The following CLEC1B variants were observed in gnomAD, a reference collection of about 807,000 sequenced individuals.
CLEC1B encodes the protein C-type lectin domain family 1 member B.
A neutral mutation model predicts 26.7 loss-of-function variants in CLEC1B; 26 were observed. The ratio of observed to expected loss-of-function variants is 0.97; its 90% CI spans 0.71 to 1.35. CLEC1B has a LOEUF of 1.35. Ranked by LOEUF, CLEC1B falls within the 40% of genes most tolerant of loss-of-function variation. CLEC1B has a pLI of 0.00. For missense variants in CLEC1B, 293 were observed against 282.6 expected (o/e 1.04, Z -0.26); for synonymous variants, 112 against 96.0 (o/e 1.17, Z -0.97).
At chr12:9,993,381 G>C (rs1591846684) in intron 5 of CLEC1B, 94 bp from the exon 6 acceptor site, 43 of 704,404 alleles carry the variant, frequency 6.1e-5, no homozygotes, top group Non-Finnish European at 6.9e-5. Flanking sequence ...ACCAAATAGA[G>C]ACTGAGGAAA....
At chr12:9,997,514 A>G (rs1158586357) in intron 2 of CLEC1B, among the ~76,000 whole-genome samples, 2 of 152,222 alleles carry the variant, frequency 1.3e-5, no homozygotes, top group Admixed American at 6.5e-5. Flanking sequence ...ACAATCACAA[A>G]TAAAAAATCC....
upstream of CLEC1B, chr12:9,999,269 G>C: frequency 4.0e-6 from 2 of 500,638 alleles, no homozygotes; most frequent in Non-Finnish European, 7.1e-6. Flanking sequence ...TTTCCAGGAA[G>C]CTTCTTCATA....
At chr12:9,997,026 T>C (rs1865067732) in intron 3 of CLEC1B, 26 bp from the exon 4 acceptor site, 1 of 1,612,474 alleles carries the variant, frequency 6.2e-7, no homozygotes, top group African/African-American at 1.3e-5. Context: ...ACAGGAATGG[T>C]GTATTTTTTC....
intron 1 of CLEC1B, 54 bp from the exon 2 acceptor site, chr12:9,998,434 G>C: frequency 7.2e-7 from 1 of 1,387,006 alleles, no homozygotes; most frequent in Non-Finnish European, 1.0e-6. Flanking sequence ...TTAGCTATGG[G>C]GAAGGCTCAC....
intron 5 of CLEC1B, among the ~76,000 whole-genome samples, chr12:9,994,588 C>T (rs1210722191): frequency 6.6e-6 from 1 of 151,986 alleles, no homozygotes; most frequent in Non-Finnish European, 1.5e-5. Context: ...GTCCCTTTGC[C>T]TGGATTGTTT....
At chr12:9,995,333 C>T (rs1591849601) in intron 4 of CLEC1B, 87 bp from the exon 5 acceptor site, 1 of 1,113,214 alleles carries the variant, frequency 9.0e-7, no homozygotes, top group African/African-American at 1.5e-5. Context: ...AGACGTTGGA[C>T]AAAAAATGTT....
intron 2 of CLEC1B, among the ~76,000 whole-genome samples, chr12:9,997,637 T>A (rs1022548998): frequency 2.0e-5 from 3 of 152,216 alleles, no homozygotes; most frequent in African/African-American, 7.2e-5. Flanking sequence ...GATGCCAAAC[T>A]ATTCATTCAT....
intron 4 of CLEC1B, 29 bp from the exon 5 acceptor site, chr12:9,995,275 T>C: frequency 2.6e-6 from 4 of 1,553,262 alleles, no homozygotes; most frequent in African/African-American, 1.4e-5. Context: ...AACACAATGG[T>C]CAGAATCCCT....
At chr12:9,999,158 C>T (rs370822690), upstream of CLEC1B, 2,467 of 1,129,612 alleles carry the variant, frequency 2.2e-3, 7 homozygotes, top group Non-Finnish European at 3.0e-3. Flanking sequence ...AATGTAGTTT[C>T]CAACTTTACA....
rs1423765292 is a variant in CLEC1B at position 9,996,978 on chromosome 12, A to G, written c.306T>C (p.Cys102=). The change falls in exon 4 of 6, where the codon TGT becomes TGC. Residue 102 remains cysteine (C), a synonymous_variant. Coordinates refer to ENST00000298527, the MANE Select transcript of CLEC1B (RefSeq NM_016509.4). ...CTCCATAATATCTCCAGTTTGTGTC[A>G]CAGGGGCTGCATTTATGACCTTCTG... ...GTFKGHKCSP[C]DTNWRYYGDS... 6.2e-7 allele frequency: 1 copy of G among 1,614,124 alleles called. No homozygotes were observed. The highest frequency in any genetic ancestry group is 8.5e-7 in the Non-Finnish European group (1 of 1,179,984).
chr12:9,999,153 A>C (rs1565572731), upstream of CLEC1B: 1 of 1,166,826 alleles, frequency 8.6e-7, no homozygotes, highest in Non-Finnish European at 1.2e-6. Context: ...TGCAAAATGT[A>C]GTTTCCAACT....
chr12:9,995,426 A>C, intron 4 of CLEC1B, 180 bp from the exon 5 acceptor site: 1 of 601,866 alleles, frequency 1.7e-6, no homozygotes, highest in Non-Finnish European at 3.1e-6. Flanking sequence ...GAACTTAAAA[A>C]AAACTTATAG....
At chr12:10,001,468 GTCTTATATCT>G (rs1475295565), upstream of CLEC1B, among the ~76,000 whole-genome samples, 1 of 152,144 alleles carries the variant, frequency 6.6e-6, no homozygotes, top group Admixed American at 6.5e-5. Context: ...CAGTCTGAGA[GTCTTATATCT>G]TATCTGTGTT....
Position 9,995,885 on chromosome 12 carries a change from G to A in CLEC1B, c.439-639C>T, listed in dbSNP as rs78951226. The stretch of plus-strand genomic sequence containing the variant: ...TTTAACTAGAATATACTCTTGTCGA[G>A]GTTAAGCATTTTTCTTTCTGTCTTA... On this transcript the variant is annotated intron_variant, in intron 4 of 5. Transcript: ENST00000298527. 1.7e-3 allele frequency among the ~76,000 whole-genome samples: 266 copies of A among 152,146 alleles called. 1 individual carries two copies. Among genetic ancestry groups the A allele is most frequent in the African/African-American group, 6.3e-3 (260 of 41,512 alleles).
At chr12:9,998,090 T>A (rs1280988848) in intron 2 of CLEC1B, among the ~76,000 whole-genome samples, 192 bp downstream of exon 2, 1 of 152,200 alleles carries the variant, frequency 6.6e-6, no homozygotes, top group East Asian at 1.9e-4. Context: ...GTTAAAATCT[T>A]AAAATCTTAT....
At chr12:9,994,569 A>G (rs934007852) in intron 5 of CLEC1B, among the ~76,000 whole-genome samples, 4 of 152,212 alleles carry the variant, frequency 2.6e-5, no homozygotes, top group East Asian at 1.9e-4. Flanking sequence ...ACTCCACTCA[A>G]TGCAATCAGT....
At chr12:9,995,605 G>A in intron 4 of CLEC1B, 1 of 338,548 alleles carries the variant, frequency 3.0e-6, no homozygotes, top group South Asian at 2.4e-5. Context: ...GAAATACATT[G>A]TTGATGAGCT....
chr12:9,995,112 C>T (rs754274700), intron 5 of CLEC1B, 28 bp downstream of exon 5: 1 of 1,608,682 alleles, frequency 6.2e-7, no homozygotes, highest in Admixed American at 1.7e-5. Flanking sequence ...CCAGTACTCC[C>T]TCCTATTCTA....
chr12:9,998,498 G>C lies in CLEC1B; in HGVS notation c.65-118C>G, dbSNP rs535350547. On this transcript the variant is annotated intron_variant, in intron 1 of 5. Transcript: ENST00000298527. The stretch of plus-strand genomic sequence containing the variant: ...TCCTCCAAGTAATAGAAAGAGCTTT[G>C]CTGGCAGATCTCACCTGTGTTCTCC... 48 of 650,406 alleles carry C rather than the reference G, an allele frequency of 7.4e-5. No homozygotes were observed. The South Asian group carries it at 7.6e-4, about 10-fold the overall frequency. 40.3% of individuals were successfully genotyped at this position (650,406 alleles called of 1,614,324 possible). A position where few individuals can be genotyped will look rare whatever the true frequency, so the allele number is the denominator to read the frequency against.
Sources: allele counts gnomAD v4.1 joint callset (sites outside exome capture counted in the v4.1 genomes callset), GRCh38; gene constraint gnomAD v4.1.1; transcripts MANE v1.5; gene names NCBI Gene and HGNC (gene_info 2026-07-23, HGNC 2026-07-21).